Variants in TOX4 observed in about 807,000 individuals in gnomAD.
TOX4 encodes the protein TOX high mobility group box family member 4.
A neutral mutation model predicts 61.0 loss-of-function variants in TOX4; 12 were observed. The observed-to-expected ratio is 0.20, with a 90% CI of 0.13 to 0.32. TOX4 has a LOEUF of 0.32. Ranked by LOEUF, TOX4 falls within the 10% of genes least tolerant of loss-of-function variation. TOX4 has a pLI of 1.00. For synonymous variants in TOX4, 268 were observed against 274.8 expected, an observed-to-expected ratio of 0.98 and a Z score of 0.24; for missense variants, 499 against 753.3, an observed-to-expected ratio of 0.66 and a Z score of 3.95.
chr14:21,487,708 A>T lies in TOX4; in HGVS notation c.318+15A>T, dbSNP rs756120406. The T allele has an allele frequency of 2.7e-5, 43 of 1,601,776 alleles. No homozygotes were observed. The Middle Eastern group carries it at 6.6e-4, about 25-fold the overall frequency. ...GCTTGACCATGGTAAGGGGCAAGACATTGTCAGGCTTACCCCAGCTAATGG... is the reference window on the plus strand; with the variant it reads ...GCTTGACCATGGTAAGGGGCAAGACTTTGTCAGGCTTACCCCAGCTAATGG... On this transcript the variant is annotated intron_variant, in intron 3 of 8. Transcript: ENST00000448790.
At chr14:21,490,947 T>A (rs1478763537) in intron 5 of TOX4, among the ~76,000 whole-genome samples, 3 of 152,242 alleles carry the variant, frequency 2.0e-5, no homozygotes, top group African/African-American at 7.2e-5. Context: ...TGCCTCAGCC[T>A]CCCAAGTAGC....
intron 2 of TOX4, among the ~76,000 whole-genome samples, chr14:21,478,397 A>G (rs765624497): frequency 1.1e-4 from 17 of 152,244 alleles, no homozygotes; most frequent in Non-Finnish European, 1.0e-4. Context: ...CGTTGGGCAC[A>G]TTACTTCATC....
In TOX4 at chr14:21,498,003, T is replaced by C. The variant is rs1891448956; in HGVS notation, c.*1397T>C. On this transcript the variant is annotated 3_prime_UTR_variant, in exon 9 of 9. Transcript: ENST00000448790. ...TAGCCTATAATGATCATTTTAATGT[T>C]TCCCATGCACTCATTTAGTTTGAAC... is the stretch of plus-strand genomic sequence containing the variant. 4.5e-6 allele frequency: 2 copies of C among 440,788 alleles called. No individual in the cohort carries two copies. Among genetic ancestry groups the C allele is most frequent in the Admixed American group, 3.8e-5 (1 of 26,428 alleles). The allele number at this position is 440,788 out of a possible 1,614,324, so 27.3% of individuals were successfully genotyped here. A position where few individuals can be genotyped will look rare whatever the true frequency, so the allele number is the denominator to read the frequency against.
chr14:21,482,300 T>C (rs1891119249), intron 2 of TOX4, among the ~76,000 whole-genome samples: 1 of 152,158 alleles, frequency 6.6e-6, no homozygotes, highest in Non-Finnish European at 1.5e-5. Context: ...ATAGGTAAAA[T>C]TTTCACTACT....
intron 2 of TOX4, among the ~76,000 whole-genome samples, chr14:21,478,955 C>A (rs1226135098): frequency 1.4e-5 from 2 of 141,460 alleles, no homozygotes; most frequent in African/African-American, 2.7e-5. Context: ...AGGTGTGCGC[C>A]ACCACACCCA....
chr14:21,487,953 CT>C, intron 3 of TOX4: 1 of 323,564 alleles, frequency 3.1e-6, no homozygotes, highest in East Asian at 5.8e-5. Flanking sequence ...GTGTTTTCTG[CT>C]TTTATTATGG....
chr14:21,490,244 C>T (rs1274774468), intron 5 of TOX4, among the ~76,000 whole-genome samples: 2 of 151,774 alleles, frequency 1.3e-5, no homozygotes, highest in Non-Finnish European at 2.9e-5. Context: ...TTTGGGAAGC[C>T]GAGGCAGGCG....
chr14:21,487,766 T>A (rs1169220993), intron 3 of TOX4, 73 bp downstream of exon 3: 1 of 1,503,374 alleles, frequency 6.7e-7, no homozygotes, highest in African/African-American at 1.4e-5. Flanking sequence ...GTTACTCTAT[T>A]CCCTGCTACA....
intron 5 of TOX4, 118 bp downstream of exon 5, chr14:21,489,521 C>T: frequency 3.5e-6 from 3 of 852,040 alleles, no homozygotes; most frequent in Non-Finnish European, 5.4e-6. Context: ...GTTAATGACA[C>T]TTAAATATCA....
rs1891378162 is a variant in TOX4 at position 21,495,333 on chromosome 14, TGTGA to T, written c.1749_1752del (p.Ser584ArgfsTer14). ...GGTCTGGTTGTGAGAACCCTCCCAT[TGTGA>T]GTAAGGACTGGGACAATGAATACTG... On this transcript the variant is annotated frameshift_variant, in exon 8 of 9. Coordinates refer to ENST00000448790, the MANE Select transcript of TOX4 (RefSeq NM_014828.4). LOFTEE classifies it high-confidence loss of function. The T allele has an allele frequency of 6.2e-7, 1 of 1,614,110 alleles. No individual in the cohort carries two copies. Among genetic ancestry groups the T allele is most frequent in the East Asian group, 2.2e-5 (1 of 44,870 alleles).
At chr14:21,482,645 T>C (rs1308714258) in intron 2 of TOX4, 1 of 458,912 alleles carries the variant, frequency 2.2e-6, no homozygotes. Context: ...TTTCTCTTTC[T>C]GTGTCCAAAC....
intron 7 of TOX4, among the ~76,000 whole-genome samples, chr14:21,493,817 C>T (rs1193853004): frequency 6.6e-6 from 1 of 151,752 alleles, no homozygotes; most frequent in Non-Finnish European, 1.5e-5. Context: ...GTGGTGTAAT[C>T]TTGGCTCACT....
intron 5 of TOX4, among the ~76,000 whole-genome samples, chr14:21,490,152 C>A (rs1891260718): frequency 6.6e-6 from 1 of 151,516 alleles, no homozygotes; most frequent in South Asian, 2.1e-4. Flanking sequence ...GCCTGGGTGA[C>A]AGAGCAAGAC....
chr14:21,488,306 C>G, intron 3 of TOX4: 2 of 337,764 alleles, frequency 5.9e-6, no homozygotes, highest in Non-Finnish European at 1.1e-5. Flanking sequence ...TTGTCACTAC[C>G]TATATATTAC....
At chr14:21,492,239 G>A in intron 5 of TOX4, 57 bp from the exon 6 acceptor site, 1 of 1,466,442 alleles carries the variant, frequency 6.8e-7, no homozygotes, top group South Asian at 1.2e-5. Context: ...AGAACTATCA[G>A]TCTTTCCTAA....
At chr14:21,484,293 G>C (rs561649479) in intron 2 of TOX4, among the ~76,000 whole-genome samples, 61 of 118,806 alleles carry the variant, frequency 5.1e-4, no homozygotes, top group African/African-American at 1.8e-3. Flanking sequence ...TTTCTCCCTA[G>C]TTTCTGCTAG....
chr14:21,488,837 A>G lies in TOX4; in HGVS notation c.566A>G (p.Glu189Gly). The G allele has an allele frequency of 6.2e-7, 1 of 1,613,942 alleles. No homozygotes were observed. Among genetic ancestry groups the G allele is most frequent in the Admixed American group, 1.7e-5 (1 of 60,018 alleles). ...AGTTCACTTCACGAGGATGGTGTTG[A>G]GGATTTCCGGAGGGTGAGGCATTCC... ...PTSSLHEDGV[E>G]DFRRQLPSQK... The change falls in exon 4 of 9, where the codon GAG (glutamate) becomes GGG (glycine). Residue 189 changes from glutamate (E) to glycine (G), a missense_variant. Physicochemically the swap from Glu to Gly is moderately conservative, Grantham distance 98. Around this residue, in one of 7 missense-constraint regions of TOX4, gnomAD observed 61 missense variants for 76.1 expected, o/e 0.80. Coordinates refer to ENST00000448790, the MANE Select transcript of TOX4 (RefSeq NM_014828.4).
At chr14:21,478,274 T>A (rs1003346031) in intron 2 of TOX4, among the ~76,000 whole-genome samples, 2 of 152,218 alleles carry the variant, frequency 1.3e-5, no homozygotes, top group African/African-American at 2.4e-5. Context: ...TGTGGTTACC[T>A]TTACCTACAT....
chr14:21,484,144 A>G (rs572477747), intron 2 of TOX4, among the ~76,000 whole-genome samples: 2 of 152,170 alleles, frequency 1.3e-5, no homozygotes, highest in East Asian at 3.9e-4. Context: ...TGTGCTACTT[A>G]TATCTCAGAC....
Sources: gnomAD v4.1 joint callset for allele counts (sites outside exome capture counted in the v4.1 genomes callset) on GRCh38, gnomAD v4.1.1 for gene constraint, gnomAD v4.1.1 regional missense constraint, MANE v1.5 for transcripts, NCBI Gene and HGNC (gene_info 2026-07-23, HGNC 2026-07-21) for gene names.